Variants in SFMBT1 observed in about 807,000 individuals in gnomAD.
The protein encoded by SFMBT1 is scm-like with four MBT domains protein 1.
In SFMBT1, 32 loss-of-function variants were observed where a neutral mutation model predicts 108.7. The ratio of observed to expected loss-of-function variants is 0.29; its 90% CI spans 0.22 to 0.40. The LOEUF is 0.40. Ranked by LOEUF, SFMBT1 falls within the 10% of genes least tolerant of loss-of-function variation. The probability of loss-of-function intolerance (pLI) is 1.00; values close to 1 mark genes in which losing one functional copy is unlikely to be tolerated. For synonymous variants in SFMBT1, 348 were observed against 369.5 expected (o/e 0.94, Z 0.67); for missense variants, 816 against 1,059.6 (o/e 0.77, Z 3.19).
intron 13 of SFMBT1, among the ~76,000 whole-genome samples, chr3:52,916,496 C>T (rs1246037508): frequency 1.3e-5 from 2 of 151,242 alleles, no homozygotes; most frequent in Non-Finnish European, 2.9e-5. Flanking sequence ...TGTGAAACCC[C>T]GTCTCTACTA....
intron 10 of SFMBT1, 59 bp downstream of exon 10, chr3:52,925,972 G>A: frequency 1.4e-6 from 2 of 1,442,792 alleles, no homozygotes; most frequent in Non-Finnish European, 1.9e-6. Context: ...GAAAGCAAGG[G>A]AAGCACAGCA....
intron 4 of SFMBT1, among the ~76,000 whole-genome samples, chr3:52,937,605 C>T (rs1015671907): frequency 2.0e-5 from 3 of 150,222 alleles, no homozygotes; most frequent in East Asian, 1.9e-4. Context: ...TTTTTTGAGA[C>T]GGAGTCTTGC....
chr3:52,961,917 C>T (rs1293472704), intron 2 of SFMBT1, among the ~76,000 whole-genome samples: 1 of 152,092 alleles, frequency 6.6e-6, no homozygotes. Context: ...AATCACTCAA[C>T]TAAAATCTCT....
intron 1 of SFMBT1, among the ~76,000 whole-genome samples, chr3:52,999,723 T>C (rs539930245): frequency 3.3e-5 from 5 of 150,172 alleles, no homozygotes; most frequent in African/African-American, 1.2e-4. Flanking sequence ...CCACTCATCC[T>C]GTGCCATGTT....
intron 2 of SFMBT1, among the ~76,000 whole-genome samples, chr3:52,968,744 C>T (rs1303873876): frequency 6.6e-6 from 1 of 152,006 alleles, no homozygotes; most frequent in Non-Finnish European, 1.5e-5. Context: ...GCACCCGTCA[C>T]CACACCCAGC....
At chr3:53,007,050 G>C (rs752195482) in intron 1 of SFMBT1, among the ~76,000 whole-genome samples, 2 of 152,208 alleles carry the variant, frequency 1.3e-5, no homozygotes, top group Non-Finnish European at 2.9e-5. Flanking sequence ...CCTGGTCCCT[G>C]ATCCCAGCAG....
At chr3:52,955,962 T>A (rs1703766084) in intron 2 of SFMBT1, among the ~76,000 whole-genome samples, 1 of 152,136 alleles carries the variant, frequency 6.6e-6, no homozygotes, top group African/African-American at 2.4e-5. Flanking sequence ...CTCAATAAAA[T>A]ACTGGCAAAC....
At chr3:53,021,341 C>T (rs935193549) in intron 1 of SFMBT1, among the ~76,000 whole-genome samples, 11 of 152,146 alleles carry the variant, frequency 7.2e-5, no homozygotes, top group African/African-American at 2.7e-4. Flanking sequence ...ATGCTTTATG[C>T]CTACCCTCAT....
chr3:52,931,848 A>G (rs1011275375), intron 6 of SFMBT1, among the ~76,000 whole-genome samples: 2 of 152,180 alleles, frequency 1.3e-5, no homozygotes, highest in African/African-American at 4.8e-5. Flanking sequence ...TCAAAAAACA[A>G]AACAAAACAA....
intron 3 of SFMBT1, among the ~76,000 whole-genome samples, chr3:52,953,199 C>G (rs1280444745): frequency 1.3e-5 from 2 of 152,212 alleles, no homozygotes; most frequent in African/African-American, 4.8e-5. Context: ...GGCACAGTAG[C>G]TCACGCCTGT....
chr3:53,036,050 A>G (rs1699860540), intron 1 of SFMBT1, among the ~76,000 whole-genome samples: 1 of 152,236 alleles, frequency 6.6e-6, no homozygotes, highest in Non-Finnish European at 1.5e-5. Context: ...TATCAGTCAC[A>G]ATCAAAATTT....
At chr3:53,030,881 C>A (rs977463400) in intron 1 of SFMBT1, among the ~76,000 whole-genome samples, 42 of 152,234 alleles carry the variant, frequency 2.8e-4, no homozygotes, top group African/African-American at 1.0e-3. Flanking sequence ...TGTTTCTAAA[C>A]TAACAACTTT....
In SFMBT1 at chr3:52,904,870, A is replaced by G. The variant is rs555606687; in HGVS notation, c.*266T>C. On this transcript the variant is annotated 3_prime_UTR_variant, in exon 21 of 21. Coordinates refer to ENST00000394752, the MANE Select transcript of SFMBT1 (RefSeq NM_016329.4). Reference sequence around the variant, plus strand: ...CCACTGGAAATGCTTTTCTTCTTATATAAGTCTTTTCCTCACAACCTTTAT... The same window carrying G: ...CCACTGGAAATGCTTTTCTTCTTATGTAAGTCTTTTCCTCACAACCTTTAT... The G allele has an allele frequency of 3.5e-5, 12 of 343,556 alleles. No homozygotes were observed. The highest frequency in any genetic ancestry group is 3.1e-4 in the East Asian group (6 of 19,664). The allele number at this position is 343,556 out of a possible 1,614,324, so 21.3% of individuals were successfully genotyped here.
intron 1 of SFMBT1, among the ~76,000 whole-genome samples, chr3:53,038,382 A>G (rs1699931856): frequency 6.6e-6 from 1 of 152,258 alleles, no homozygotes. Flanking sequence ...ATAGTAACAC[A>G]ACGCACAATA....
intron 5 of SFMBT1, among the ~76,000 whole-genome samples, chr3:52,933,761 G>T (rs1392261399): frequency 6.6e-6 from 1 of 152,136 alleles, no homozygotes; most frequent in South Asian, 2.1e-4. Context: ...ATGGATGACA[G>T]AAGTAAATGT....
chr3:52,938,000 C>T (rs1292047467), intron 4 of SFMBT1, among the ~76,000 whole-genome samples: 9 of 152,160 alleles, frequency 5.9e-5, no homozygotes, highest in African/African-American at 2.2e-4. Flanking sequence ...CATACAATAA[C>T]ATATCCTGAG....
At chr3:53,034,071 CA>C (rs61046895) in intron 1 of SFMBT1, among the ~76,000 whole-genome samples, 337 of 28,708 alleles carry the variant, frequency 0.012, 2 homozygotes, top group African/African-American at 0.045. Context: ...ACTCTGTCTC[CA>C]AAAAAAAAAA....
chr3:52,954,080 G>A (rs528993062), intron 3 of SFMBT1, among the ~76,000 whole-genome samples: 85 of 151,916 alleles, frequency 5.6e-4, no homozygotes, highest in East Asian at 1.2e-3. Context: ...AGCCAAGATC[G>A]TGCCACTGCA....
chr3:53,002,401 T>TTA (rs1553642360), intron 1 of SFMBT1, among the ~76,000 whole-genome samples: 11 of 106,958 alleles, frequency 1.0e-4, no homozygotes, highest in African/African-American at 3.9e-4. Flanking sequence ...TCCGTCTCAA[T>TTA]AAAAAAAAAA....
Sources: gnomAD v4.1 joint callset for allele counts (sites outside exome capture counted in the v4.1 genomes callset) on GRCh38, gnomAD v4.1.1 for gene constraint, MANE v1.5 for transcripts, NCBI Gene and HGNC (gene_info 2026-07-23, HGNC 2026-07-21) for gene names.